Variants in KCNC2 observed in about 807,000 individuals in gnomAD.
KCNC2 encodes the protein voltage-gated potassium channel KCNC2.
KCNC2 carries 21 observed loss-of-function variants against 44.5 expected under a neutral mutation model. The observed-to-expected ratio is 0.47, with a 90% CI of 0.33 to 0.68. The LOEUF is 0.68. Ranked by LOEUF, KCNC2 falls within the 30% of genes least tolerant of loss-of-function variation. The pLI, the probability that KCNC2 is intolerant of heterozygous loss-of-function variation, is 0.01. For missense variants in KCNC2, 589 were observed against 826.2 expected (o/e 0.71, Z 3.52); for synonymous variants, 391 against 339.1 (o/e 1.15, Z -1.68).
At chr12:75,133,247 T>C (rs1324366545) in intron 2 of KCNC2, among the ~76,000 whole-genome samples, 3 of 151,994 alleles carry the variant, frequency 2.0e-5, no homozygotes, top group Non-Finnish European at 4.4e-5. Context: ...TAGTTAACAA[T>C]AGTTTACTGT....
chr12:75,086,681 A>AAATATAT (rs1206456289), intron 2 of KCNC2, among the ~76,000 whole-genome samples: 1 of 54,208 alleles, frequency 1.8e-5, no homozygotes. Context: ...AAAAAAAAAA[A>AAATATAT]ATATATATAT....
At chr12:75,075,482 T>C (rs867617907) in intron 2 of KCNC2, among the ~76,000 whole-genome samples, 7 of 127,260 alleles carry the variant, frequency 5.5e-5, no homozygotes, top group African/African-American at 1.0e-4. Flanking sequence ...TATATATATA[T>C]ACACATATAT....
chr12:75,097,132 G>A (rs1053658267), intron 2 of KCNC2, among the ~76,000 whole-genome samples: 4 of 152,028 alleles, frequency 2.6e-5, no homozygotes, highest in African/African-American at 9.7e-5. Context: ...ATATTGCTAA[G>A]TTAAAGAAGG....
chr12:75,081,434 T>TTTTA (rs1884501212), intron 2 of KCNC2, among the ~76,000 whole-genome samples: 1 of 146,596 alleles, frequency 6.8e-6, no homozygotes, highest in Non-Finnish European at 1.5e-5. Context: ...TTGCCTTTGA[T>TTTTA]GCCCTTGTGG....
intron 2 of KCNC2, among the ~76,000 whole-genome samples, chr12:75,167,375 T>G (rs1891529280): frequency 6.6e-6 from 1 of 151,314 alleles, no homozygotes; most frequent in Non-Finnish European, 1.5e-5. Context: ...ATAGATGGAT[T>G]AAAAATAATC....
chr12:75,122,002 A>G lies in KCNC2; in HGVS notation c.688-70685T>C, dbSNP rs1420653110. Among the ~76,000 whole-genome samples the G allele has an allele frequency of 4.6e-5, 7 of 152,282 alleles. No individual in the cohort carries two copies. The East Asian group carries it at 1.4e-3, about 29-fold the overall frequency. ...TGATAGGAATCCTCACTTGGAGGCC[A>G]CTGCTGACACCACTTACCTATTAGA... is the stretch of plus-strand genomic sequence containing the variant. On this transcript the variant is annotated intron_variant, in intron 2 of 4. Transcript: ENST00000549446.
chr12:75,066,381 A>C (rs538847903), intron 2 of KCNC2, among the ~76,000 whole-genome samples: 1 of 152,304 alleles, frequency 6.6e-6, no homozygotes, highest in Non-Finnish European at 1.5e-5. Flanking sequence ...TTTGGTTTAT[A>C]TGGATGTCAC....
intron 2 of KCNC2, among the ~76,000 whole-genome samples, chr12:75,132,303 T>C (rs1888911746): frequency 6.6e-6 from 1 of 152,182 alleles, no homozygotes. Context: ...GCTGGATGTA[T>C]ATTTTAGCTA....
intron 2 of KCNC2, among the ~76,000 whole-genome samples, chr12:75,165,052 G>A (rs77315151): frequency 4.8e-4 from 73 of 151,610 alleles, no homozygotes; most frequent in African/African-American, 1.7e-3. Flanking sequence ...TTGATGTCAA[G>A]AGAGTGATCA....
intron 2 of KCNC2, among the ~76,000 whole-genome samples, chr12:75,173,697 C>T (rs1194009191): frequency 6.6e-6 from 1 of 151,618 alleles, no homozygotes; most frequent in African/African-American, 2.4e-5. Context: ...AACTAATTTT[C>T]AACAGAAAGT....
intron 2 of KCNC2, among the ~76,000 whole-genome samples, chr12:75,100,790 A>G (rs936833854): frequency 2.0e-5 from 3 of 152,190 alleles, no homozygotes; most frequent in Non-Finnish European, 4.4e-5. Context: ...AACAGTAGTT[A>G]TATTTCTACA....
chr12:75,198,493 A>T (rs1178826731), intron 2 of KCNC2, among the ~76,000 whole-genome samples: 1 of 151,834 alleles, frequency 6.6e-6, no homozygotes, highest in Non-Finnish European at 1.5e-5. Flanking sequence ...TATTCCTCTC[A>T]TTGCTCCTAC....
intron 2 of KCNC2, among the ~76,000 whole-genome samples, chr12:75,201,274 A>C (rs1479933245): frequency 9.4e-6 from 1 of 106,342 alleles, no homozygotes; most frequent in Non-Finnish European, 2.0e-5. Context: ...AAAAAAAAAA[A>C]AAAAAAAAAA....
chr12:75,182,436 T>G (rs1012448769), intron 2 of KCNC2, among the ~76,000 whole-genome samples: 33 of 143,540 alleles, frequency 2.3e-4, no homozygotes, highest in Non-Finnish European at 4.6e-4. Context: ...GGCAGGAGAA[T>G]GGCGTGAACC....
intron 2 of KCNC2, among the ~76,000 whole-genome samples, chr12:75,108,779 T>C (rs1256954861): frequency 1.3e-5 from 2 of 152,190 alleles, no homozygotes; most frequent in African/African-American, 2.4e-5. Context: ...ATAGTTTTTT[T>C]GTTCAGGAAT....
At chr12:75,109,516 A>G (rs1887055319) in intron 2 of KCNC2, among the ~76,000 whole-genome samples, 1 of 152,164 alleles carries the variant, frequency 6.6e-6, no homozygotes, top group Admixed American at 6.5e-5. Flanking sequence ...TATACTGTTA[A>G]CTGTCTTTGA....
intron 2 of KCNC2, among the ~76,000 whole-genome samples, chr12:75,064,815 G>A (rs1882668217): frequency 6.6e-6 from 1 of 151,818 alleles, no homozygotes; most frequent in Admixed American, 6.6e-5. Flanking sequence ...TCTTTTTATT[G>A]TTTCGAATAC....
intron 2 of KCNC2, among the ~76,000 whole-genome samples, chr12:75,063,386 C>CT (rs1466020963): frequency 6.6e-6 from 1 of 152,056 alleles, no homozygotes; most frequent in African/African-American, 2.4e-5. Flanking sequence ...ACATGTTAAA[C>CT]TTGGATTGAA....
chr12:75,137,118 G>A (rs1214974478), intron 2 of KCNC2, among the ~76,000 whole-genome samples: 2 of 152,000 alleles, frequency 1.3e-5, no homozygotes, highest in Non-Finnish European at 2.9e-5. Flanking sequence ...GACACTTTTA[G>A]GGCTTCTCTT....
Sources: gnomAD v4.1 joint callset for allele counts (sites outside exome capture counted in the v4.1 genomes callset) on GRCh38, gnomAD v4.1.1 for gene constraint, MANE v1.5 for transcripts, NCBI Gene and HGNC (gene_info 2026-07-23, HGNC 2026-07-21) for gene names.